The following AP2A2 variants were observed in gnomAD, a reference collection of about 807,000 sequenced individuals.
AP2A2 encodes the protein AP-2 complex subunit alpha-2.
A neutral mutation model predicts 104.2 loss-of-function variants in AP2A2; 32 were observed. That is an observed-to-expected ratio of 0.31 (90% CI 0.23 to 0.41). The LOEUF (loss-of-function observed/expected upper bound fraction) is 0.41, where lower values mean the gene tolerates loss of function less well. Ranked by LOEUF, AP2A2 falls within the 10% of genes least tolerant of loss-of-function variation. AP2A2 has a pLI of 1.00. For synonymous variants in AP2A2, 539 were observed against 533.3 expected, an observed-to-expected ratio of 1.01 and a Z score of -0.15; for missense variants, 912 against 1,261.0, an observed-to-expected ratio of 0.72 and a Z score of 4.19.
chr11:1,010,119 C>T (rs1856371050), intron 21 of AP2A2: 3 of 482,500 alleles, frequency 6.2e-6, no homozygotes, highest in African/African-American at 1.9e-5. Flanking sequence ...CATCGTCCCA[C>T]CATGGAGCAG....
At chr11:991,012 C>CTCCCCTCCATCCTT (rs1236554275) in intron 10 of AP2A2, among the ~76,000 whole-genome samples, 1 of 149,028 alleles carries the variant, frequency 6.7e-6, no homozygotes. Context: ...GGGCATGGTG[C>CTCCCCTCCATCCTT]TCCCCTCCAT....
intron 1 of AP2A2, among the ~76,000 whole-genome samples, chr11:936,206 C>CTTTTTT (rs982315120): frequency 9.1e-6 from 1 of 110,044 alleles, no homozygotes. Flanking sequence ...TGCGCCTGGC[C>CTTTTTT]TTTTTTTTTT....
intron 2 of AP2A2, among the ~76,000 whole-genome samples, chr11:969,732 G>A (rs1854753842): frequency 6.6e-6 from 1 of 152,160 alleles, no homozygotes; most frequent in Non-Finnish European, 1.5e-5. Flanking sequence ...CTATGAAGTG[G>A]CAGATAATTT....
At chr11:998,617 C>T (rs1855932743) in intron 14 of AP2A2, among the ~76,000 whole-genome samples, 1 of 151,916 alleles carries the variant, frequency 6.6e-6, no homozygotes, top group Admixed American at 6.5e-5. Flanking sequence ...CTGTTTTTTG[C>T]CTGTGAAATG....
chr11:957,102 C>A (rs1316621427), intron 1 of AP2A2: 1 of 152,238 alleles, frequency 6.6e-6, no homozygotes, highest in African/African-American at 2.4e-5. Context: ...TCTCACGACC[C>A]CCTCTTTGGA....
intron 15 of AP2A2, 176 bp from the exon 16 acceptor site, chr11:1,003,543 GTCC>G (rs1856097503): frequency 2.0e-6 from 1 of 505,872 alleles, no homozygotes; most frequent in Non-Finnish European, 3.5e-6. Context: ...CCTGCTCACC[GTCC>G]TCCTCCAGTG....
At chr11:986,683 C>G in intron 8 of AP2A2, 102 bp from the exon 9 acceptor site, 5 of 1,402,002 alleles carry the variant, frequency 3.6e-6, no homozygotes, top group Non-Finnish European at 4.8e-6. Context: ...TGCCGTGTGA[C>G]TTTGCTGTCT....
At chr11:952,257 A>G (rs1292114925) in intron 1 of AP2A2, among the ~76,000 whole-genome samples, 2 of 152,230 alleles carry the variant, frequency 1.3e-5, no homozygotes, top group African/African-American at 4.8e-5. Context: ...TTGGTATTTT[A>G]TAATCATCTG....
chr11:997,769 G>A (rs1855900413), intron 14 of AP2A2, among the ~76,000 whole-genome samples: 1 of 152,182 alleles, frequency 6.6e-6, no homozygotes, highest in African/African-American at 2.4e-5. Flanking sequence ...GCCAGGTGTG[G>A]TGGTGTGTGC....
At chr11:1,004,130 A>G (rs561683453) in intron 16 of AP2A2, among the ~76,000 whole-genome samples, 9 of 152,296 alleles carry the variant, frequency 5.9e-5, no homozygotes, top group East Asian at 3.9e-4. Flanking sequence ...GGAAGTGCCA[A>G]TCAAAACCAC....
At chr11:1,009,653 G>A in intron 20 of AP2A2, 30 bp from the exon 21 acceptor site, 1 of 1,546,026 alleles carries the variant, frequency 6.5e-7, no homozygotes. Flanking sequence ...CCCCGCGCCA[G>A]GGTCCTCATT....
intron 5 of AP2A2, among the ~76,000 whole-genome samples, chr11:977,626 C>T (rs1434883948): frequency 4.0e-5 from 6 of 151,606 alleles, no homozygotes; most frequent in African/African-American, 1.5e-4. Flanking sequence ...AGGCATACAC[C>T]AAGGGTGGAG....
intron 2 of AP2A2, among the ~76,000 whole-genome samples, chr11:963,318 C>G (rs1244261367): frequency 6.6e-6 from 1 of 151,648 alleles, no homozygotes; most frequent in Non-Finnish European, 1.5e-5. Flanking sequence ...CCCAGCTACT[C>G]GGGAGGCTGA....
At chr11:1,010,003 C>T in intron 21 of AP2A2, 186 bp downstream of exon 21, 1 of 653,138 alleles carries the variant, frequency 1.5e-6, no homozygotes, top group Non-Finnish European at 2.6e-6. Flanking sequence ...GAGCATCATC[C>T]CTAGTGCAGT....
chr11:993,439 G>GCCGTATCATTAAAAAACACCA lies in AP2A2; in HGVS notation c.1550+58_1550+59insCCGTATCATTAAAAAACACCA. ...CGCTCCGGCGGGCCTCTCGGTGGTC[G>GCCGTATCATTAAAAAACACCA]GTGGCAAGAGGCGAGGCACCAGCTG... On this transcript the variant is annotated intron_variant, in intron 12 of 21. Coordinates refer to ENST00000448903, the MANE Select transcript of AP2A2 (RefSeq NM_012305.4). The surrounding 1 kb of genome is among the most constrained non-coding windows in gnomAD (Gnocchi z 8.2). The GCCGTATCATTAAAAAACACCA allele has an allele frequency of 2.2e-6, 3 of 1,342,908 alleles. No individual in the cohort carries two copies. The highest frequency in any genetic ancestry group is 3.0e-6 in the Non-Finnish European group (3 of 1,005,992). The allele number at this position is 1,342,908 out of a possible 1,614,324, so 83.2% of individuals were successfully genotyped here.
chr11:979,371 C>A (rs1855163006), intron 5 of AP2A2, among the ~76,000 whole-genome samples: 1 of 151,894 alleles, frequency 6.6e-6, no homozygotes, highest in South Asian at 2.1e-4. Context: ...TAGCACTTTG[C>A]TCACCGAGAA....
rs913319108 is a variant in AP2A2, at chr11:977,217, A to G, written c.596A>G (p.Gln199Arg). 1 of 1,597,936 alleles carries G rather than the reference A, an allele frequency of 6.3e-7. No homozygotes were observed. The highest frequency in any genetic ancestry group is 8.5e-7 in the Non-Finnish European group (1 of 1,169,798). The change falls in exon 5 of 22, where the codon CAG (glutamine) becomes CGG (arginine). Residue 199 changes from glutamine to arginine, a missense_variant. Coordinates refer to ENST00000448903, the MANE Select transcript of AP2A2 (RefSeq NM_012305.4). ...CGAGTGGTGCACCTGCTCAATGACC[A>G]GCACTTGGTAAGCACCCTTGGCTTT... ...TSRVVHLLND[Q>R]HLGVVTAATS...
chr11:974,864 A>G (rs1250420944), intron 4 of AP2A2, among the ~76,000 whole-genome samples: 1 of 151,622 alleles, frequency 6.6e-6, no homozygotes, highest in Non-Finnish European at 1.5e-5. Flanking sequence ...GCCCTCCTGT[A>G]GTCCCAGTTA....
chr11:999,387 C>T (rs1855955818), intron 14 of AP2A2, among the ~76,000 whole-genome samples: 1 of 152,218 alleles, frequency 6.6e-6, no homozygotes, highest in South Asian at 2.1e-4. Flanking sequence ...TGGCGGCCAC[C>T]TGTAATCCCA....
Sources: allele counts gnomAD v4.1 joint callset (sites outside exome capture counted in the v4.1 genomes callset), GRCh38; gene constraint gnomAD v4.1.1; non-coding constraint Gnocchi (gnomAD v3.1); transcripts MANE v1.5; gene names NCBI Gene and HGNC (gene_info 2026-07-23, HGNC 2026-07-21).